Variants in SGCD observed in about 807,000 individuals in gnomAD.
SGCD encodes the protein sarcoglycan delta.
A neutral mutation model predicts 36.6 loss-of-function variants in SGCD; 18 were observed. The ratio of observed to expected loss-of-function variants is 0.49; its 90% CI spans 0.34 to 0.73. The LOEUF is 0.73. Ranked by LOEUF, SGCD falls within the 30% of genes least tolerant of loss-of-function variation. The pLI is 0.01. For synonymous variants in SGCD, 133 were observed against 130.6 expected (o/e 1.02, Z -0.12); for missense variants, 387 against 346.7 (o/e 1.12, Z -0.92).
chr5:155,881,330 T>A (rs929845307), intron 1 of SGCD, among the ~76,000 whole-genome samples: 1 of 72,870 alleles, frequency 1.4e-5, no homozygotes, highest in Non-Finnish European at 2.5e-5. Context: ...AAATAAAGAA[T>A]ATAGCAATAA....
chr5:156,275,747 C>T (rs1263208901), intron 3 of SGCD, among the ~76,000 whole-genome samples: 1 of 152,158 alleles, frequency 6.6e-6, no homozygotes, highest in East Asian at 1.9e-4. Flanking sequence ...GCTACACCTA[C>T]TCTTACTTAT....
intron 6 of SGCD, among the ~76,000 whole-genome samples, chr5:156,601,728 T>C (rs1357072029): frequency 6.6e-6 from 1 of 152,116 alleles, no homozygotes; most frequent in Non-Finnish European, 1.5e-5. Context: ...CTGTCGCCCA[T>C]GCTGGAGTGC....
intron 3 of SGCD, among the ~76,000 whole-genome samples, chr5:156,129,290 C>T (rs1187564692): frequency 1.3e-5 from 2 of 152,166 alleles, no homozygotes; most frequent in African/African-American, 4.8e-5. Flanking sequence ...CTTGAAACAA[C>T]TCTCTGGGAT....
At chr5:155,910,023 T>C (rs1349444902) in intron 1 of SGCD, among the ~76,000 whole-genome samples, 2 of 152,036 alleles carry the variant, frequency 1.3e-5, no homozygotes, top group African/African-American at 4.8e-5. Flanking sequence ...TTTTTTCTAA[T>C]GGAAAATACT....
intron 1 of SGCD, among the ~76,000 whole-genome samples, chr5:155,915,462 T>C (rs745741450): frequency 1.8e-4 from 27 of 152,094 alleles, no homozygotes; most frequent in South Asian, 6.2e-4. Context: ...ATAGTAGACA[T>C]AGGGCCTAGA....
chr5:155,821,588 C>G, the SGCD span, among the ~76,000 whole-genome samples: 6 of 152,318 alleles, frequency 3.9e-5, no homozygotes, highest in South Asian at 1.2e-3. Flanking sequence ...GCTGGGATTA[C>G]AGGTGTGAGC....
chr5:155,761,468 ACCATCACCCTCT>A, the SGCD span, among the ~76,000 whole-genome samples: 1 of 99,584 alleles, frequency 1.0e-5, no homozygotes, highest in African/African-American at 4.0e-5. Flanking sequence ...CATCATCCTC[ACCATCACCCTCT>A]CCATCACCTT....
chr5:156,048,710 A>G (rs565181104), intron 1 of SGCD, among the ~76,000 whole-genome samples: 97 of 152,238 alleles, frequency 6.4e-4, no homozygotes, highest in African/African-American at 2.2e-3. Flanking sequence ...AGTTCATTGT[A>G]GATTCTGGAT....
intron 3 of SGCD, among the ~76,000 whole-genome samples, chr5:156,423,356 T>TTATAA (rs1254133315): frequency 0.013 from 1,048 of 80,600 alleles, 30 homozygotes; most frequent in Non-Finnish European, 0.021. Context: ...TATAATTTTA[T>TTATAA]TATAATATAT....
intron 3 of SGCD, among the ~76,000 whole-genome samples, chr5:156,431,300 T>A (rs1580982737): frequency 6.6e-6 from 1 of 152,204 alleles, no homozygotes; most frequent in South Asian, 2.1e-4. Flanking sequence ...GATGTCTTTT[T>A]TCTTTTTCTT....
In SGCD at chr5:155,966,870, A is replaced by G. The variant is rs182541190; in HGVS notation, c.-282+96446A>G. Among the ~76,000 whole-genome samples, 15 of 152,136 alleles carry G rather than the reference A, an allele frequency of 9.9e-5. No individual in the cohort carries two copies. The East Asian group carries it at 2.9e-3, about 29-fold the overall frequency. The stretch of plus-strand genomic sequence containing the variant: ...CATTTCACTGATCAGATTTTAAGCA[A>G]CTGTTGCTATTAGCAGTCTTGTACT... On this transcript the variant is annotated intron_variant, in intron 1 of 9. Coordinates refer to the SGCD transcript ENST00000517913.
intron 3 of SGCD, among the ~76,000 whole-genome samples, chr5:156,220,303 G>A (rs930755757): frequency 5.3e-5 from 8 of 152,128 alleles, no homozygotes; most frequent in Admixed American, 2.6e-4. Context: ...GTACGTTGGA[G>A]TTTGTTCCAT....
intron 3 of SGCD, among the ~76,000 whole-genome samples, chr5:156,174,204 G>A (rs992856506): frequency 4.6e-5 from 7 of 152,172 alleles, no homozygotes; most frequent in Non-Finnish European, 1.0e-4. Context: ...ATAAAATAAG[G>A]TACTTGCAGA....
chr5:156,131,102 C>T (rs1328052187), intron 3 of SGCD, among the ~76,000 whole-genome samples: 1 of 152,186 alleles, frequency 6.6e-6, no homozygotes, highest in African/African-American at 2.4e-5. Flanking sequence ...CCTCAAGGAT[C>T]ATTGCTTTAA....
At chr5:155,747,327 C>T in the SGCD span, among the ~76,000 whole-genome samples, 1 of 152,110 alleles carries the variant, frequency 6.6e-6, no homozygotes, top group Non-Finnish European at 1.5e-5. Flanking sequence ...GTTTTGGAAT[C>T]TGGTTGCCCT....
chr5:156,115,901 G>C (rs12657306), intron 1 of SGCD, among the ~76,000 whole-genome samples: 3 of 152,066 alleles, frequency 2.0e-5, no homozygotes, highest in Non-Finnish European at 4.4e-5. Flanking sequence ...ATGTAATTTA[G>C]GTTGCATGTT....
intron 4 of SGCD, among the ~76,000 whole-genome samples, chr5:156,514,710 G>A (rs1260272380): frequency 6.6e-6 from 1 of 152,184 alleles, no homozygotes; most frequent in Non-Finnish European, 1.5e-5. Context: ...ACATGGATTT[G>A]AGCATGTGCT....
At chr5:155,899,010 T>C (rs1291153340) in intron 1 of SGCD, among the ~76,000 whole-genome samples, 2 of 152,132 alleles carry the variant, frequency 1.3e-5, no homozygotes, top group Non-Finnish European at 2.9e-5. Context: ...TAGAGGGACA[T>C]GCAGGGACAT....
chr5:156,626,653 T>G (rs1762451655), intron 6 of SGCD, among the ~76,000 whole-genome samples: 1 of 152,244 alleles, frequency 6.6e-6, no homozygotes, highest in Admixed American at 6.5e-5. Flanking sequence ...CTTATTTATG[T>G]AATCTTATAG....
Sources: allele counts gnomAD v4.1 joint callset (sites outside exome capture counted in the v4.1 genomes callset), GRCh38; gene constraint gnomAD v4.1.1; transcripts MANE v1.5; gene names NCBI Gene and HGNC (gene_info 2026-07-23, HGNC 2026-07-21).